LDLRAD2: variants seen among roughly 807,000 people sequenced by gnomAD.
The protein encoded by LDLRAD2 is low-density lipoprotein receptor class A domain-containing protein 2.
Under a neutral mutation model 24.9 loss-of-function variants are expected in LDLRAD2, and 25 were observed. The observed-to-expected ratio is 1.00, with a 90% CI of 0.73 to 1.40. The LOEUF is 1.40. LDLRAD2 is among the 40% of genes most tolerant of loss of function. LDLRAD2 has a pLI of 0.00. For missense variants in LDLRAD2, 391 were observed against 366.2 expected, an observed-to-expected ratio of 1.07 and a Z score of -0.55; for synonymous variants, 182 against 166.7, an observed-to-expected ratio of 1.09 and a Z score of -0.71.
In LDLRAD2 at chr1:21,824,900, C is replaced by A. The variant is rs549432603; in HGVS notation, c.*2685C>A. On this transcript the variant is annotated 3_prime_UTR_variant, in exon 5 of 5. Transcript: ENST00000344642. This position sits in a 1 kb window ranked among gnomAD's most constrained non-coding sequence, Gnocchi z 5.9. ...GACTAGGGGGCTCCGAGCCTGCAGT[C>A]CCTGGGGACCCACGGGGGCTGCCAA... The A allele has an allele frequency of 6.7e-5, 60 of 892,928 alleles. No homozygotes were observed. The African/African-American group carries it at 9.3e-4, about 14-fold the overall frequency. 55.3% of individuals were successfully genotyped at this position (892,928 alleles called of 1,614,324 possible).
At position 21,824,577 on chromosome 1, in the gene LDLRAD2, C is replaced by T. The variant is rs780964669; in HGVS notation, c.*2362C>T. 40 of 1,613,894 alleles carry T rather than the reference C, an allele frequency of 2.5e-5. No individual in the cohort carries two copies. Among genetic ancestry groups the T allele is most frequent in the South Asian group, 7.7e-5 (7 of 91,086 alleles). ...CAGGAGGCCACTGGCTGTGCTGGTC[C>T]GAACCTCCAGCTCGATGGTCTCGGG... On this transcript the variant is annotated 3_prime_UTR_variant, in exon 5 of 5. Transcript: ENST00000344642. The surrounding 1 kb of genome is among the most constrained non-coding windows in gnomAD (Gnocchi z 5.9).
At chr1:21,813,096 A>G (rs1046107813) in intron 1 of LDLRAD2, among the ~76,000 whole-genome samples, 1 of 152,206 alleles carries the variant, frequency 6.6e-6, no homozygotes, top group Non-Finnish European at 1.5e-5. Context: ...CGAGATCAAG[A>G]CCATCCTGGC....
rs2097956311 is a variant in LDLRAD2 at position 21,823,174 on chromosome 1, T to A, written c.*959T>A. The A allele has an allele frequency of 3.6e-6, 3 of 829,954 alleles. No individual in the cohort carries two copies. In the Admixed American group the frequency reaches 9.5e-5, roughly 26 times the overall value. The allele number at this position is 829,954 out of a possible 1,614,324, so 51.4% of individuals were successfully genotyped here. ...TGTGTGTGAGGGTGGCATGCCCACC[T>A]CCAGTCCAGCCCAGGGCGGTAGCAG... On this transcript the variant is annotated 3_prime_UTR_variant, in exon 5 of 5. Transcript: ENST00000344642.
At position 21,824,208 on chromosome 1, in the gene LDLRAD2, C is replaced by T. The variant is rs764900583; in HGVS notation, c.*1993C>T. On this transcript the variant is annotated 3_prime_UTR_variant, in exon 5 of 5. Transcript: ENST00000344642. This position sits in a 1 kb window ranked among gnomAD's most constrained non-coding sequence, Gnocchi z 5.9. ...CTCCCCACTACCCAGCTGGTACCTG[C>T]AGTCATCCAGGCCCAAGAAGTATGA... The T allele has an allele frequency of 3.7e-6, 6 of 1,613,632 alleles. No homozygotes were observed. Among genetic ancestry groups the T allele is most frequent in the Admixed American group, 1.7e-5 (1 of 60,000 alleles).
intron 1 of LDLRAD2, 66 bp from the exon 2 acceptor site, chr1:21,814,332 G>A: frequency 7.3e-7 from 1 of 1,362,182 alleles, no homozygotes; most frequent in Non-Finnish European, 9.8e-7. Flanking sequence ...TCACACAGCG[G>A]GCAGGGGACA....
At chr1:21,812,666 CTG>C in intron 1 of LDLRAD2, 130 bp downstream of exon 1, 2 of 743,232 alleles carry the variant, frequency 2.7e-6, no homozygotes, top group South Asian at 1.7e-5. Flanking sequence ...GGCTGGGAAA[CTG>C]TGTCTGGTCT....
At position 21,824,921 on chromosome 1, in the gene LDLRAD2, G is replaced by A; in HGVS notation, c.*2706G>A. On this transcript the variant is annotated 3_prime_UTR_variant, in exon 5 of 5. Transcript: ENST00000344642. The surrounding 1 kb of genome is among the most constrained non-coding windows in gnomAD (Gnocchi z 5.9). ...CAGTCCCTGGGGACCCACGGGGGCT[G>A]CCAACAGAATTCAGGGAGCCTATGA... 1.3e-6 allele frequency: 1 copy of A among 754,434 alleles called. No individual in the cohort carries two copies. The highest frequency in any genetic ancestry group is 2.3e-6 in the Non-Finnish European group (1 of 426,262). The allele number at this position is 754,434 out of a possible 1,614,324, so 46.7% of individuals were successfully genotyped here. A position where few individuals can be genotyped will look rare whatever the true frequency, so the allele number is the denominator to read the frequency against.
Position 21,824,104 on chromosome 1 carries a change from C to G in LDLRAD2, c.*1889C>G. On this transcript the variant is annotated 3_prime_UTR_variant, in exon 5 of 5. Coordinates refer to ENST00000344642, the MANE Select transcript of LDLRAD2 (RefSeq NM_001013693.3). The surrounding 1 kb of genome is among the most constrained non-coding windows in gnomAD (Gnocchi z 5.9). ...GAACGCTGGGCCCCATCCCGAGTGCCCGGCAGGGTCCCTTACCGCAGTGCT... is the reference window on the plus strand; with the variant it reads ...GAACGCTGGGCCCCATCCCGAGTGCGCGGCAGGGTCCCTTACCGCAGTGCT... 1.9e-6 allele frequency: 3 copies of G among 1,609,892 alleles called. No individual in the cohort carries two copies. Among genetic ancestry groups the G allele is most frequent in the Non-Finnish European group, 2.5e-6 (3 of 1,178,236 alleles).
chr1:21,815,593 CAG>C (rs1231965379), intron 2 of LDLRAD2, among the ~76,000 whole-genome samples: 13 of 152,100 alleles, frequency 8.5e-5, no homozygotes, highest in Admixed American at 5.2e-4. Flanking sequence ...GCCTGGGTGA[CAG>C]AGAGAGACCT....
rs373713801 is a variant in LDLRAD2, at chr1:21,816,059, C to T, written c.628C>T (p.Pro210Ser). 1 of 1,613,162 alleles carries T rather than the reference C, an allele frequency of 6.2e-7. No individual in the cohort carries two copies. Among genetic ancestry groups the T allele is most frequent in the Non-Finnish European group, 8.5e-7 (1 of 1,179,940 alleles). The part of the protein sequence containing the change: ...GDGSDQGSWS[P>S]ADCRGPSPVP... Reference sequence around the variant, plus strand: ...TGGCAGTGACCAGGGCTCCTGGTCACCAGCTGACTGCAGAGGTCAGTGCGG... The same window carrying T: ...TGGCAGTGACCAGGGCTCCTGGTCATCAGCTGACTGCAGAGGTCAGTGCGG... Residue 210 changes from proline (P) to serine (S), a missense_variant, in exon 3 of 5, where the codon CCA becomes TCA. Pro to Ser is a moderately conservative substitution (Grantham distance 74). Coordinates refer to ENST00000344642, the MANE Select transcript of LDLRAD2 (RefSeq NM_001013693.3).
At chr1:21,819,756 A>C (rs1430893149) in intron 3 of LDLRAD2, among the ~76,000 whole-genome samples, 3 of 152,134 alleles carry the variant, frequency 2.0e-5, no homozygotes, top group East Asian at 3.9e-4. Context: ...AGTGCGTATT[A>C]GTCCATTCTC....
chr1:21,819,130 T>C (rs1474060188), intron 3 of LDLRAD2, among the ~76,000 whole-genome samples: 1 of 151,890 alleles, frequency 6.6e-6, no homozygotes, highest in African/African-American at 2.4e-5. Context: ...TCCCAGCACT[T>C]TGGGAGGCCG....
chr1:21,819,710 T>G (rs1220085713), intron 3 of LDLRAD2, among the ~76,000 whole-genome samples: 2 of 151,978 alleles, frequency 1.3e-5, no homozygotes, highest in Non-Finnish European at 2.9e-5. Context: ...GATACAAAGT[T>G]CTGGAGATGG....
chr1:21,824,019 C>G lies in LDLRAD2; in HGVS notation c.*1804C>G. On this transcript the variant is annotated 3_prime_UTR_variant, in exon 5 of 5. Coordinates refer to ENST00000344642, the MANE Select transcript of LDLRAD2 (RefSeq NM_001013693.3). This position sits in a 1 kb window ranked among gnomAD's most constrained non-coding sequence, Gnocchi z 5.9. ...CCCCTCCCCTGGCTTCAAGTTCTGT[C>G]TCCACAGAGCTCAATACCTGCCTCT... is the stretch of plus-strand genomic sequence containing the variant. 1 of 1,168,666 alleles carries G rather than the reference C, an allele frequency of 8.6e-7. No individual in the cohort carries two copies. The highest frequency in any genetic ancestry group is 1.2e-6 in the Non-Finnish European group (1 of 800,348). 72.4% of individuals were successfully genotyped at this position (1,168,666 alleles called of 1,614,324 possible). A position where few individuals can be genotyped will look rare whatever the true frequency, so the allele number is the denominator to read the frequency against.
At chr1:21,821,153 C>T (rs1413015779) in intron 3 of LDLRAD2, among the ~76,000 whole-genome samples, 2 of 152,070 alleles carry the variant, frequency 1.3e-5, no homozygotes, top group Non-Finnish European at 2.9e-5. Flanking sequence ...GTGGTGATTG[C>T]GCCACTGGAC....
Position 21,821,604 on chromosome 1 carries a change from T to G in LDLRAD2, c.798T>G (p.Ala266=). ...GGGACCCCACGAGACAAGACGCAGC[T>G]TTGGAAGGTTACACCTTGCTCCTAC... ...AGRDPTRQDA[A]LEGSTE is the part of the protein sequence containing the mutation. The change falls in exon 4 of 5, where the codon GCT becomes GCG. Residue 266 remains alanine (A), a synonymous_variant. Coordinates refer to ENST00000344642, the MANE Select transcript of LDLRAD2 (RefSeq NM_001013693.3). The G allele has an allele frequency of 6.2e-7, 1 of 1,613,806 alleles. No homozygotes were observed. The highest frequency in any genetic ancestry group is 8.5e-7 in the Non-Finnish European group (1 of 1,179,846).
intron 3 of LDLRAD2, among the ~76,000 whole-genome samples, chr1:21,820,350 C>T (rs527819126): frequency 9.7e-4 from 147 of 151,968 alleles, no homozygotes; most frequent in Non-Finnish European, 1.9e-3. Context: ...AGTGAAACCC[C>T]GTCTCTACTA....
In LDLRAD2 at chr1:21,816,048, G is replaced by T. The variant is rs752249434; in HGVS notation, c.617G>T (p.Gly206Val). 1 of 1,613,288 alleles carries T rather than the reference G, an allele frequency of 6.2e-7. No individual in the cohort carries two copies. Among genetic ancestry groups the T allele is most frequent in the Admixed American group, 1.7e-5 (1 of 60,002 alleles). Residue 206 changes from glycine (G) to valine (V), a missense_variant, in exon 3 of 5, where the codon GGC (glycine) becomes GTC (valine). Physicochemically the swap from Gly to Val is moderately radical, Grantham distance 109 (BLOSUM62 -3). Coordinates refer to ENST00000344642, the MANE Select transcript of LDLRAD2 (RefSeq NM_001013693.3). ...AACTGTGGCGATGGCAGTGACCAGG[G>T]CTCCTGGTCACCAGCTGACTGCAGA... ...MDNCGDGSDQ[G>V]SWSPADCRGP...
Position 21,824,335 on chromosome 1 carries a change from G to A in LDLRAD2, c.*2120G>A, listed in dbSNP as rs141936971. ...AGACAAGGTGCCCGTCTTGAAGCCC[G>A]AGGCTGATGAAGTCCTTGCCTTGGC... On this transcript the variant is annotated 3_prime_UTR_variant, in exon 5 of 5. Coordinates refer to ENST00000344642, the MANE Select transcript of LDLRAD2 (RefSeq NM_001013693.3). This position sits in a 1 kb window ranked among gnomAD's most constrained non-coding sequence, Gnocchi z 5.9. 8.3e-4 allele frequency: 1,332 copies of A among 1,613,922 alleles called. 4 individuals carry two copies. The highest frequency in any genetic ancestry group is 3.1e-3 in the Admixed American group (186 of 60,026).
Sources: allele counts gnomAD v4.1 joint callset (sites outside exome capture counted in the v4.1 genomes callset), GRCh38; gene constraint gnomAD v4.1.1; non-coding constraint Gnocchi (gnomAD v3.1); transcripts MANE v1.5; gene names NCBI Gene and HGNC (gene_info 2026-07-23, HGNC 2026-07-21).